Variants in ERI1 observed in about 807,000 individuals in gnomAD.
ERI1 encodes exoribonuclease 1, also known as 3'-5' exoribonuclease 1.
ERI1 carries 39 observed loss-of-function variants against 39.7 expected under a neutral mutation model. The ratio of observed to expected loss-of-function variants is 0.98; its 90% CI spans 0.76 to 1.28. The LOEUF is 1.28. ERI1 is among the 50% of genes most tolerant of loss of function. The pLI is 0.00. For missense variants in ERI1, 581 were observed against 416.9 expected (o/e 1.39, Z -3.43); for synonymous variants, 204 against 149.6 (o/e 1.36, Z -2.65).
chr8:9,098,493 G>C (rs1799947414), intron 3 of ERI1, among the ~76,000 whole-genome samples: 1 of 152,148 alleles, frequency 6.6e-6, no homozygotes, highest in South Asian at 2.1e-4. Flanking sequence ...ACTCCAGCCT[G>C]GGTGACAGAA....
chr8:9,051,636 G>A (rs1585262879), intron 3 of ERI1, among the ~76,000 whole-genome samples: 1 of 149,846 alleles, frequency 6.7e-6, no homozygotes, highest in African/African-American at 2.5e-5. Flanking sequence ...CAGGCTGGGT[G>A]ACAGCGCTGA....
intron 6 of ERI1, among the ~76,000 whole-genome samples, chr8:9,028,502 C>G (rs540066871): frequency 1.3e-5 from 2 of 152,316 alleles, no homozygotes; most frequent in South Asian, 2.1e-4. Context: ...AATATTAGAG[C>G]TGTTAGTCCC....
intron 3 of ERI1, among the ~76,000 whole-genome samples, chr8:9,013,266 C>T (rs920274561): frequency 1.3e-5 from 2 of 150,338 alleles, no homozygotes. Flanking sequence ...CCACCTGCCT[C>T]AGGTTCCCCA....
rs949025178 is a variant in ERI1, at chr8:9,002,940, C to A, written c.-124C>A. On this transcript the variant is annotated 5_prime_UTR_variant, in exon 1 of 7. Coordinates refer to ENST00000250263, the MANE Select transcript of ERI1 (RefSeq NM_153332.4). ...GAGGTGGCCGCTGGAGTTTGTGTGG[C>A]CGCCGCCGCGGGAACGCGAGCCCGG... The A allele has an allele frequency of 4.4e-6, 3 of 689,270 alleles. No individual in the cohort carries two copies. The highest frequency in any genetic ancestry group is 7.7e-5 in the South Asian group (1 of 12,994). The allele number at this position is 689,270 out of a possible 1,614,324, so 42.7% of individuals were successfully genotyped here. A position where few individuals can be genotyped will look rare whatever the true frequency, so the allele number is the denominator to read the frequency against.
At chr8:9,036,702 C>A (rs551893471), downstream of ERI1, among the ~76,000 whole-genome samples, 26 of 150,344 alleles carry the variant, frequency 1.7e-4, no homozygotes, top group South Asian at 5.4e-3. Context: ...TTTTTTTTTT[C>A]TATTGAGTAA....
intron 3 of ERI1, among the ~76,000 whole-genome samples, chr8:9,073,061 C>G (rs1034795227): frequency 2.2e-4 from 33 of 152,272 alleles, no homozygotes; most frequent in African/African-American, 7.9e-4. Context: ...TATTTTTATT[C>G]ACCACACTCA....
intron 3 of ERI1, among the ~76,000 whole-genome samples, chr8:9,065,047 A>G (rs1798831535): frequency 2.6e-5 from 4 of 152,186 alleles, no homozygotes; most frequent in South Asian, 2.1e-4. Flanking sequence ...GAATTTCACA[A>G]GATAATGTCA....
chr8:9,020,012 A>G (rs1221053143), intron 5 of ERI1, among the ~76,000 whole-genome samples: 2 of 152,160 alleles, frequency 1.3e-5, no homozygotes, highest in Non-Finnish European at 2.9e-5. Flanking sequence ...TTTATTTCAA[A>G]GCATGCTGTC....
At chr8:9,004,469 G>T (rs1815741801) in intron 1 of ERI1, among the ~76,000 whole-genome samples, 3 of 142,810 alleles carry the variant, frequency 2.1e-5, no homozygotes, top group African/African-American at 7.9e-5. Flanking sequence ...ACTGTTGCAT[G>T]CTCTTTATAG....
chr8:9,063,822 T>G (rs769398871), intron 3 of ERI1, among the ~76,000 whole-genome samples: 226 of 152,178 alleles, frequency 1.5e-3, no homozygotes, highest in Non-Finnish European at 2.7e-3. Context: ...CAAGTGGCAT[T>G]GCAGAAGAAA....
Position 9,067,939 on chromosome 8 carries a change from C to G in ERI1, n.299+47475C>G, listed in dbSNP as rs75556094. On this transcript the variant is annotated intron_variant and non_coding_transcript_variant, in intron 3 of 3. Transcript: ENST00000518663. ...TGCTACAAATACACACACACACACA[C>G]ACACATATATGTATATACACACACA... 5.4e-3 allele frequency among the ~76,000 whole-genome samples: 814 copies of G among 152,032 alleles called. 57 individuals are homozygous for G. In the East Asian group the frequency reaches 0.14, roughly 26 times the overall value.
At position 9,025,693 on chromosome 8, in the gene ERI1, CTTT is replaced by C. The variant is rs35325273; in HGVS notation, c.808-4091_808-4089del. Among the ~76,000 whole-genome samples, 1,101 of 149,804 alleles carry C rather than the reference CTTT, an allele frequency of 7.3e-3. 14 individuals carry two copies. Among genetic ancestry groups the C allele is most frequent in the African/African-American group, 0.026 (1,061 of 40,952 alleles). ...ACTCTCTAGGACTTTTCATTTTAAT[CTTT>C]TTTTTTTGTGTGTGTGTGTGTGTGT... On this transcript the variant is annotated intron_variant, in intron 6 of 6. Coordinates refer to ENST00000250263, the MANE Select transcript of ERI1 (RefSeq NM_153332.4).
In ERI1 at chr8:9,008,113, CAG is replaced by C; in HGVS notation, c.255_256del (p.Arg85SerfsTer2). On this transcript the variant is annotated frameshift_variant, in exon 2 of 7. Coordinates refer to ENST00000250263, the MANE Select transcript of ERI1 (RefSeq NM_153332.4). LOFTEE classifies it high-confidence loss of function. ...TTAATAGAATGAGTAAGGAAGAACT[CAG>C]AGCTAAGCTTTCAGAATTCAAGCTT... ...CINRMSKEEL[R>X]AKLSEFKLET... 2 of 1,598,674 alleles carry C rather than the reference CAG, an allele frequency of 1.3e-6. No homozygotes were observed. Among genetic ancestry groups the C allele is most frequent in the Non-Finnish European group, 1.7e-6 (2 of 1,175,142 alleles).
At chr8:9,077,242 A>C (rs963602280) in intron 3 of ERI1, among the ~76,000 whole-genome samples, 8 of 152,182 alleles carry the variant, frequency 5.3e-5, no homozygotes, top group African/African-American at 1.7e-4. Context: ...TCCCTGCCAC[A>C]TTCCTTCCCT....
At chr8:9,005,771 G>A (rs1445791358) in intron 1 of ERI1, among the ~76,000 whole-genome samples, 1 of 152,190 alleles carries the variant, frequency 6.6e-6, no homozygotes, top group African/African-American at 2.4e-5. Context: ...TGGGATTACA[G>A]GCGTGAGCCA....
intron 6 of ERI1, among the ~76,000 whole-genome samples, chr8:9,024,942 A>T (rs1299114054): frequency 1.7e-5 from 1 of 60,036 alleles, no homozygotes; most frequent in Non-Finnish European, 4.7e-5. Context: ...ATGCATGTTA[A>T]AAAAAAAAGC....
chr8:9,024,650 C>T (rs1818282397), intron 6 of ERI1, among the ~76,000 whole-genome samples: 1 of 152,066 alleles, frequency 6.6e-6, no homozygotes, highest in African/African-American at 2.4e-5. Flanking sequence ...TTTTGAACTC[C>T]TGACCTCAAA....
At chr8:9,016,168 G>A (rs944342680) in intron 3 of ERI1, among the ~76,000 whole-genome samples, 154 bp from the exon 4 acceptor site, 1 of 152,124 alleles carries the variant, frequency 6.6e-6, no homozygotes, top group African/African-American at 2.4e-5. Flanking sequence ...AATTAAGAGT[G>A]CTTTCGATGT....
intron 3 of ERI1, among the ~76,000 whole-genome samples, chr8:9,071,703 G>A (rs535001777): frequency 6.6e-6 from 1 of 152,328 alleles, no homozygotes; most frequent in South Asian, 2.1e-4. Context: ...AGTTCAAACT[G>A]TAGCACCTTC....
Sources: allele counts gnomAD v4.1 joint callset (sites outside exome capture counted in the v4.1 genomes callset), GRCh38; gene constraint gnomAD v4.1.1; transcripts MANE v1.5; gene names NCBI Gene and HGNC (gene_info 2026-07-23, HGNC 2026-07-21).